The following RUNX1 variants were observed in gnomAD, a reference collection of about 807,000 sequenced individuals.
The protein encoded by RUNX1 is RUNX family transcription factor 1, also known as runt-related transcription factor 1.
Under a neutral mutation model 42.8 loss-of-function variants are expected in RUNX1, and 19 were observed. The observed-to-expected ratio is 0.44, with a 90% CI of 0.31 to 0.65. The LOEUF (loss-of-function observed/expected upper bound fraction) is 0.65. Ranked by LOEUF, RUNX1 falls within the 30% of genes least tolerant of loss-of-function variation. The pLI is 0.07. For synonymous variants in RUNX1, 271 were observed against 289.4 expected (o/e 0.94, Z 0.64); for missense variants, 528 against 672.0 (o/e 0.79, Z 2.37).
chr21:35,038,340 CT>C (rs1400073103), intron 2 of RUNX1: 2 of 336,088 alleles, frequency 6.0e-6, no homozygotes, highest in Non-Finnish European at 1.2e-5. Context: ...GAAGAAGCCC[CT>C]GGTGATAAAG....
intron 2 of RUNX1, among the ~76,000 whole-genome samples, chr21:34,975,882 T>A (rs1444256789): frequency 6.6e-6 from 1 of 151,858 alleles, no homozygotes; most frequent in East Asian, 1.9e-4. Flanking sequence ...AGTGAAGAGT[T>A]TATAAAGGAG....
At chr21:34,889,923 TC>T in intron 3 of RUNX1, 1 of 945,844 alleles carries the variant, frequency 1.1e-6, no homozygotes, top group Non-Finnish European at 1.3e-6. Context: ...AGTCCCCGGA[TC>T]CCGGCCCCGT....
intron 4 of RUNX1, among the ~76,000 whole-genome samples, chr21:34,884,732 T>G (rs956354123): frequency 6.6e-6 from 1 of 152,244 alleles, no homozygotes; most frequent in Non-Finnish European, 1.5e-5. Context: ...AAGAAGCCTC[T>G]TTTTATGAGG....
At chr21:34,992,444 T>A (rs923718961) in intron 2 of RUNX1, among the ~76,000 whole-genome samples, 26 of 151,966 alleles carry the variant, frequency 1.7e-4, no homozygotes, top group African/African-American at 6.0e-4. Flanking sequence ...AGAAAATGAA[T>A]CCCTGAAGTG....
chr21:34,826,314 G>GC (rs540317767), intron 7 of RUNX1, among the ~76,000 whole-genome samples: 114 of 152,122 alleles, frequency 7.5e-4, no homozygotes, highest in African/African-American at 2.6e-3. Context: ...GCTTTCTTGT[G>GC]CCCCTTGCTT....
intron 8 of RUNX1, chr21:34,798,068 T>G (rs1403373376): frequency 4.4e-6 from 2 of 456,624 alleles, no homozygotes; most frequent in Non-Finnish European, 8.8e-6. Flanking sequence ...AGGCATCTGG[T>G]GAAACCTGAA....
chr21:34,817,761 G>T (rs141919219), intron 7 of RUNX1, among the ~76,000 whole-genome samples: 2 of 152,138 alleles, frequency 1.3e-5, no homozygotes, highest in Admixed American at 6.5e-5. Context: ...CCTCCACGTC[G>T]TGTGGTCCTG....
At chr21:34,873,069 T>G (rs2057762799) in intron 5 of RUNX1, among the ~76,000 whole-genome samples, 1 of 152,186 alleles carries the variant, frequency 6.6e-6, no homozygotes, top group South Asian at 2.1e-4. Context: ...TTAGACTAGC[T>G]CCTTACTAAT....
intron 2 of RUNX1, among the ~76,000 whole-genome samples, chr21:34,900,030 C>T (rs2058165054): frequency 6.6e-6 from 1 of 152,080 alleles, no homozygotes; most frequent in African/African-American, 2.4e-5. Context: ...TCTAGAGCAG[C>T]ACATCCAATA....
intron 2 of RUNX1, among the ~76,000 whole-genome samples, chr21:35,045,948 T>C (rs143365361): frequency 1.4e-3 from 210 of 152,226 alleles, no homozygotes; most frequent in African/African-American, 4.8e-3. Context: ...AGGCTTTGCA[T>C]AGACCACTAA....
At chr21:34,850,507 T>A (rs1322246880) in intron 6 of RUNX1, among the ~76,000 whole-genome samples, 1 of 152,186 alleles carries the variant, frequency 6.6e-6, no homozygotes, top group Admixed American at 6.5e-5. Context: ...CACGTCACGT[T>A]TCTAGGACAG....
At chr21:35,047,711 T>A (rs910471260) in intron 2 of RUNX1, among the ~76,000 whole-genome samples, 1 of 152,096 alleles carries the variant, frequency 6.6e-6, no homozygotes, top group Admixed American at 6.5e-5. Flanking sequence ...CTCACTTAGC[T>A]GTATGAATAA....
intron 2 of RUNX1, among the ~76,000 whole-genome samples, chr21:35,022,321 T>C (rs1320508524): frequency 6.6e-6 from 1 of 152,202 alleles, no homozygotes; most frequent in African/African-American, 2.4e-5. Flanking sequence ...TTCTCGGTCT[T>C]ACTCTTGATG....
intron 2 of RUNX1, among the ~76,000 whole-genome samples, chr21:34,920,038 T>C (rs373201036): frequency 3.9e-5 from 6 of 152,220 alleles, no homozygotes; most frequent in East Asian, 3.8e-4. Flanking sequence ...CAGGTGCAGA[T>C]AGAAACACTG....
At chr21:35,026,626 A>T (rs2059238780) in intron 2 of RUNX1, among the ~76,000 whole-genome samples, 1 of 152,250 alleles carries the variant, frequency 6.6e-6, no homozygotes, top group African/African-American at 2.4e-5. Flanking sequence ...TTTTCATGAC[A>T]GCTCGTAAAT....
chr21:34,974,004 C>G (rs896039463), intron 2 of RUNX1, among the ~76,000 whole-genome samples: 1 of 152,032 alleles, frequency 6.6e-6, no homozygotes. Context: ...CTGGATTATC[C>G]AAAGAATTGT....
In RUNX1 at chr21:34,792,233, G is replaced by A; in HGVS notation, c.1345C>T (p.Gln449Ter). 2 of 1,540,766 alleles carry A rather than the reference G, an allele frequency of 1.3e-6. No homozygotes were observed. Among genetic ancestry groups the A allele is most frequent in the Non-Finnish European group, 1.7e-6 (2 of 1,149,036 alleles). ...CCCTCGGCCTCCACCACGTCGCTCT[G>A]GTTCGGGAGGCTGGGGTTGAGCAGC... ...SALLNPSLPN[Q>*]SDVVEAEGSH... is the part of the protein sequence containing the mutation. Residue 449 changes from glutamine to a stop codon, truncating the protein, a stop_gained, in exon 9 of 9, where the codon CAG becomes TAG. Transcript: ENST00000675419. LOFTEE classifies it high-confidence loss of function. The surrounding 1 kb of genome is among the most constrained non-coding windows in gnomAD (Gnocchi z 6.9).
At chr21:34,797,999 A>G (rs1030373054) in intron 8 of RUNX1, 4 of 456,612 alleles carry the variant, frequency 8.8e-6, no homozygotes, top group South Asian at 4.6e-5. Context: ...CCAAATGTCA[A>G]TAGTACTGCC....
intron 2 of RUNX1, among the ~76,000 whole-genome samples, chr21:35,009,346 CA>C (rs1338473197): frequency 6.6e-6 from 1 of 152,170 alleles, no homozygotes; most frequent in Non-Finnish European, 1.5e-5. Flanking sequence ...TGCTTTCTAG[CA>C]GTTTATCCAC....
Sources: gnomAD v4.1 joint callset for allele counts (sites outside exome capture counted in the v4.1 genomes callset) on GRCh38, gnomAD v4.1.1 for gene constraint, Gnocchi (gnomAD v3.1) non-coding constraint, MANE v1.5 for transcripts, NCBI Gene and HGNC (gene_info 2026-07-23, HGNC 2026-07-21) for gene names.